The following FAM20C variants were observed in gnomAD, a reference collection of about 807,000 sequenced individuals.
The protein encoded by FAM20C is extracellular serine/threonine protein kinase FAM20C.
A neutral mutation model predicts 51.5 loss-of-function variants in FAM20C; 40 were observed. That is an observed-to-expected ratio of 0.78 (90% CI 0.60 to 1.01). The LOEUF is 1.01. Among genes scored for constraint, FAM20C ranks in the 50% least tolerant of loss-of-function variants. The pLI, the probability that FAM20C is intolerant of heterozygous loss-of-function variation, is 0.00. For missense variants in FAM20C, 861 were observed against 844.7 expected (o/e 1.02, Z -0.24); for synonymous variants, 406 against 380.6 (o/e 1.07, Z -0.78).
intron 3 of FAM20C, chr7:228,730 T>G (rs1453576036): frequency 2.2e-6 from 1 of 456,240 alleles, no homozygotes; most frequent in Admixed American, 2.3e-5. Flanking sequence ...TGTGGGTCCA[T>G]CCCACATCCT....
At chr7:208,612 G>A (rs890421713) in intron 2 of FAM20C, among the ~76,000 whole-genome samples, 14 of 146,368 alleles carry the variant, frequency 9.6e-5, no homozygotes, top group African/African-American at 3.5e-4. Context: ...TGGCTTATAC[G>A]TGTGTGTCCA....
chr7:228,185 T>C, intron 3 of FAM20C: 1 of 314,728 alleles, frequency 3.2e-6, no homozygotes, highest in Non-Finnish European at 6.3e-6. Context: ...CCGCCTGGCA[T>C]GGTTGTGATG....
At chr7:240,934 G>A (rs1234715052) in intron 3 of FAM20C, among the ~76,000 whole-genome samples, 7 of 152,168 alleles carry the variant, frequency 4.6e-5, no homozygotes, top group Non-Finnish European at 7.4e-5. Flanking sequence ...TCCTGAGCAC[G>A]TCCTCCCTGA....
At chr7:247,557 G>A (rs1223817653) in intron 4 of FAM20C, among the ~76,000 whole-genome samples, 1 of 152,196 alleles carries the variant, frequency 6.6e-6, no homozygotes, top group Non-Finnish European at 1.5e-5. Context: ...GTACATTGGA[G>A]TTTAAAGGGC....
intron 3 of FAM20C, among the ~76,000 whole-genome samples, chr7:217,893 T>C (rs62430298): frequency 0.88 from 133,177 of 152,154 alleles, 58,569 homozygotes; most frequent in South Asian, 0.93. Flanking sequence ...TGGTGCACGT[T>C]GGCTGGGAGA....
At chr7:228,223 G>C (rs950109397) in intron 3 of FAM20C, 4 of 328,964 alleles carry the variant, frequency 1.2e-5, no homozygotes, top group African/African-American at 8.6e-5. Context: ...GAGAAATTCT[G>C]AGAAAATAAA....
chr7:214,091 C>T (rs569502883), intron 3 of FAM20C, among the ~76,000 whole-genome samples: 38 of 152,194 alleles, frequency 2.5e-4, no homozygotes, highest in African/African-American at 8.4e-4. Flanking sequence ...TTTGGGAGGC[C>T]GAGGCAGGTG....
intron 2 of FAM20C, chr7:197,444 G>A (rs1317973473): frequency 6.0e-6 from 1 of 167,010 alleles, no homozygotes; most frequent in Non-Finnish European, 1.5e-5. Flanking sequence ...ACCAGCCAGG[G>A]CGTTCGGGAG....
At chr7:242,757 G>A (rs140470723) in intron 3 of FAM20C, among the ~76,000 whole-genome samples, 3,609 of 152,278 alleles carry the variant, frequency 0.024, 151 homozygotes, top group African/African-American at 0.082. Flanking sequence ...GCCACTGGCT[G>A]CCGAGTTGGA....
In FAM20C at chr7:258,553, C is replaced by T. The variant is rs551203306; in HGVS notation, c.1446-93C>T. 14 of 1,299,572 alleles carry T rather than the reference C, an allele frequency of 1.1e-5. No individual in the cohort carries two copies. The Admixed American group carries it at 1.8e-4, about 17-fold the overall frequency. 80.5% of individuals were successfully genotyped at this position (1,299,572 alleles called of 1,614,324 possible). On this transcript the variant is annotated intron_variant, in intron 8 of 9. Coordinates refer to ENST00000313766, the MANE Select transcript of FAM20C (RefSeq NM_020223.4). Reference sequence around the variant, plus strand: ...GACCCACTGCCTGGGGTGTCGGGTACAGGCAGGTGGACCCATGGCCCAGCT... The same window carrying T: ...GACCCACTGCCTGGGGTGTCGGGTATAGGCAGGTGGACCCATGGCCCAGCT...
At chr7:247,360 G>A (rs1434175601) in intron 4 of FAM20C, among the ~76,000 whole-genome samples, 1 of 152,172 alleles carries the variant, frequency 6.6e-6, no homozygotes, top group Non-Finnish European at 1.5e-5. Context: ...GGAGGGAGGA[G>A]GCGCCACCCT....
Position 193,470 on chromosome 7 carries a change from C to T in FAM20C, c.271C>T (p.Leu91=), listed in dbSNP as rs1785683330. The change falls in exon 1 of 10, where the codon CTG becomes TTG. Residue 91 remains leucine, a synonymous_variant. Transcript: ENST00000313766. ...GWPNKHTLRI[L]QDFSSDPSSN... ...GCCCAACAAGCACACGCTCCGCATCCTGCAGGACTTCAGCTCCGACCCCTC... is the reference window on the plus strand; with the variant it reads ...GCCCAACAAGCACACGCTCCGCATCTTGCAGGACTTCAGCTCCGACCCCTC... 1 of 1,492,038 alleles carries T rather than the reference C, an allele frequency of 6.7e-7. No individual in the cohort carries two copies. Among genetic ancestry groups the T allele is most frequent in the Admixed American group, 2.2e-5 (1 of 45,830 alleles). 92.4% of individuals were successfully genotyped at this position (1,492,038 alleles called of 1,614,324 possible). A position where few individuals can be genotyped will look rare whatever the true frequency, so the allele number is the denominator to read the frequency against.
At chr7:227,869 A>G (rs904511604) in intron 3 of FAM20C, 3 of 152,630 alleles carry the variant, frequency 2.0e-5, no homozygotes, top group Non-Finnish European at 2.9e-5. Flanking sequence ...TCACTGAATC[A>G]TTTTAAAATG....
In FAM20C at chr7:211,158, TC is replaced by T. The variant is rs1786689802; in HGVS notation, c.863+2185del. Among the ~76,000 whole-genome samples, 3 of 46,590 alleles carry T rather than the reference TC, an allele frequency of 6.4e-5. No homozygotes were observed. The South Asian group carries it at 2.2e-3, about 35-fold the overall frequency. The allele number at this position is 46,590 out of a possible 152,430, so 30.6% of individuals were successfully genotyped here. A position where few individuals can be genotyped will look rare whatever the true frequency, so the allele number is the denominator to read the frequency against. On this transcript the variant is annotated intron_variant, in intron 3 of 9. Transcript: ENST00000313766. ...CCCCGTCAGCCTCCCCTGGGCCTCC[TC>T]CCAGCCTCCGCCAACCTCCCCCAAC...
intron 3 of FAM20C, among the ~76,000 whole-genome samples, chr7:245,721 G>A (rs1286831364): frequency 1.3e-5 from 2 of 152,330 alleles, no homozygotes; most frequent in East Asian, 1.9e-4. Flanking sequence ...AGGGCCCTGC[G>A]GCTAGGCTCC....
At chr7:235,688 G>A (rs894809244) in intron 3 of FAM20C, among the ~76,000 whole-genome samples, 3 of 152,286 alleles carry the variant, frequency 2.0e-5, no homozygotes, top group Middle Eastern at 3.4e-3. Context: ...TGGAGCAGCC[G>A]GTCAGCTCAG....
Position 247,780 on chromosome 7 carries a change from G to A in FAM20C, c.957-535G>A, listed in dbSNP as rs187851434. 8.4e-3 allele frequency among the ~76,000 whole-genome samples: 1,282 copies of A among 152,316 alleles called. 21 individuals carry two copies. The highest frequency in any genetic ancestry group is 0.029 in the African/African-American group (1,217 of 41,580). Reference sequence around the variant, plus strand: ...CACCCAGGCGAGCCGTCTGACAGGTGGAGGGGGAGGGTGCTCCACGCAGAG... The same window carrying A: ...CACCCAGGCGAGCCGTCTGACAGGTAGAGGGGGAGGGTGCTCCACGCAGAG... On this transcript the variant is annotated intron_variant, in intron 4 of 9. Transcript: ENST00000313766.
intron 3 of FAM20C, among the ~76,000 whole-genome samples, chr7:234,446 CG>C (rs1787791294): frequency 6.6e-6 from 1 of 152,166 alleles, no homozygotes; most frequent in Non-Finnish European, 1.5e-5. Flanking sequence ...CTCCCTGTAT[CG>C]GGGGTGGCTG....
chr7:260,081 C>A lies in FAM20C; in HGVS notation c.*101C>A, dbSNP rs1023672778. ...GAATTCAGTGAATTCAGAGGCAGGA[C>A]GGGATCATCCGGAGTCGGGAGCTGC... On this transcript the variant is annotated 3_prime_UTR_variant, in exon 10 of 10. Transcript: ENST00000313766. 1.4e-6 allele frequency: 2 copies of A among 1,388,164 alleles called. No homozygotes were observed. The highest frequency in any genetic ancestry group is 1.5e-5 in the African/African-American group (1 of 68,680). 86.0% of individuals were successfully genotyped at this position (1,388,164 alleles called of 1,614,324 possible).
Sources: allele counts gnomAD v4.1 joint callset (sites outside exome capture counted in the v4.1 genomes callset), GRCh38; gene constraint gnomAD v4.1.1; transcripts MANE v1.5; gene names NCBI Gene and HGNC (gene_info 2026-07-23, HGNC 2026-07-21).